NWD1: variants seen among roughly 807,000 people sequenced by gnomAD.
The protein encoded by NWD1 is NACHT and WD repeat domain containing 1.
NWD1 carries 129 observed loss-of-function variants against 135.1 expected under a neutral mutation model. That is an observed-to-expected ratio of 0.96 (90% CI 0.83 to 1.11). The LOEUF (loss-of-function observed/expected upper bound fraction) is 1.11, where lower values mean the gene tolerates loss of function less well. NWD1 is among the 50% of genes least tolerant of loss of function. NWD1 has a pLI of 0.00. For synonymous variants in NWD1, 773 were observed against 786.0 expected, an observed-to-expected ratio of 0.98 and a Z score of 0.28; for missense variants, 1,740 against 1,851.3, an observed-to-expected ratio of 0.94 and a Z score of 1.10.
chr19:16,757,549 C>T (rs1254174315), intron 6 of NWD1, among the ~76,000 whole-genome samples: 2 of 152,190 alleles, frequency 1.3e-5, no homozygotes, highest in Non-Finnish European at 2.9e-5. Context: ...ACCAAGGTCT[C>T]CCAGCTAGGC....
chr19:16,741,371 T>G (rs868241401), intron 4 of NWD1, among the ~76,000 whole-genome samples: 7 of 135,632 alleles, frequency 5.2e-5, no homozygotes, highest in African/African-American at 8.3e-5. Context: ...TTTTTGTGTT[T>G]TTTTTTTTTT....
intron 7 of NWD1, 56 bp downstream of exon 7, chr19:16,759,484 G>A (rs2122871486): frequency 4.5e-6 from 6 of 1,334,296 alleles, no homozygotes; most frequent in Non-Finnish European, 6.2e-6. Flanking sequence ...CAAGAATGAG[G>A]ACTCACTGGC....
chr19:16,736,836 G>T (rs1208133975), intron 4 of NWD1, 86 bp downstream of exon 4: 3 of 817,892 alleles, frequency 3.7e-6, no homozygotes, highest in African/African-American at 3.4e-5. Flanking sequence ...GCAGAGGGAA[G>T]TAGGTACCGT....
At position 16,817,348 on chromosome 19, in the gene NWD1, C is replaced by T. The variant is rs1469044712; in HGVS notation, c.*2309C>T. ...AGCCTCGGTGGCTCACGCCTGTAAT[C>T]CCAGCACTTTGGGAGGCTGAGGCGG... On this transcript the variant is annotated 3_prime_UTR_variant, in exon 19 of 19. Coordinates refer to ENST00000524140, the MANE Select transcript of NWD1 (RefSeq NM_001007525.5). 1 of 151,664 alleles carries T rather than the reference C, an allele frequency of 6.6e-6. No individual in the cohort carries two copies. The allele number at this position is 151,664 out of a possible 1,614,324, so 9.4% of individuals were successfully genotyped here.
At chr19:16,811,546 T>C (rs926372680) in intron 18 of NWD1, among the ~76,000 whole-genome samples, 1 of 145,904 alleles carries the variant, frequency 6.9e-6, no homozygotes, top group Non-Finnish European at 1.5e-5. Context: ...ATCGTGATAT[T>C]GCACTTCAGC....
intron 8 of NWD1, 129 bp downstream of exon 8, chr19:16,762,267 A>C: frequency 1.3e-6 from 1 of 742,012 alleles, no homozygotes; most frequent in Non-Finnish European, 2.2e-6. Context: ...CACAGAGGGC[A>C]AGATGTCCCT....
Position 16,817,441 on chromosome 19 carries a change from A to G in NWD1, c.*2402A>G, listed in dbSNP as rs1203572923. 6.6e-6 allele frequency: 1 copy of G among 151,860 alleles called. No homozygotes were observed. The highest frequency in any genetic ancestry group is 1.5e-5 in the Non-Finnish European group (1 of 67,990). 9.4% of individuals were successfully genotyped at this position (151,860 alleles called of 1,614,324 possible). ...CATGGTGAAACTCTGTCTCTACTCA[A>G]AAATACAAAAATTAGCCTGGTGTGG... On this transcript the variant is annotated 3_prime_UTR_variant, in exon 19 of 19. Transcript: ENST00000524140.
At chr19:16,779,197 T>C in intron 11 of NWD1, 146 bp from the exon 12 acceptor site, 1 of 846,162 alleles carries the variant, frequency 1.2e-6, no homozygotes. Flanking sequence ...AATCTAATCC[T>C]TGCTGTGCAG....
At chr19:16,772,641 A>G (rs1969456212) in intron 10 of NWD1, among the ~76,000 whole-genome samples, 1 of 152,076 alleles carries the variant, frequency 6.6e-6, no homozygotes, top group Non-Finnish European at 1.5e-5. Flanking sequence ...CTAAAATTCC[A>G]TCTCAAAAAT....
chr19:16,719,917 G>A lies in NWD1; in HGVS notation c.-481G>A, dbSNP rs2122642946. On this transcript the variant is annotated 5_prime_UTR_variant, in exon 1 of 19. Transcript: ENST00000524140. ...GACGAAAGTTACTAGGATAGCCAGGGGCTTGTCTTCCGGGTGGCGCCGAGG... is the reference window on the plus strand; with the variant it reads ...GACGAAAGTTACTAGGATAGCCAGGAGCTTGTCTTCCGGGTGGCGCCGAGG... 2.0e-5 allele frequency: 3 copies of A among 152,282 alleles called. 1 individual carries two copies. The South Asian group carries it at 6.2e-4, about 32-fold the overall frequency. The allele number at this position is 152,282 out of a possible 1,614,324, so 9.4% of individuals were successfully genotyped here. A position where few individuals can be genotyped will look rare whatever the true frequency, so the allele number is the denominator to read the frequency against.
At chr19:16,741,496 G>T (rs970060204) in intron 4 of NWD1, among the ~76,000 whole-genome samples, 8 of 150,982 alleles carry the variant, frequency 5.3e-5, no homozygotes, top group African/African-American at 1.9e-4. Flanking sequence ...CTCCCAAGTA[G>T]CTGGGATTAC....
intron 4 of NWD1, among the ~76,000 whole-genome samples, chr19:16,737,700 G>A (rs148701796): frequency 3.3e-5 from 5 of 151,954 alleles, no homozygotes; most frequent in Non-Finnish European, 5.9e-5. Context: ...GGGGCCGGGC[G>A]TGGTGGCTCA....
intron 12 of NWD1, among the ~76,000 whole-genome samples, chr19:16,787,892 AATAATAATAATAATC>A (rs1402653519): frequency 8.9e-4 from 70 of 78,990 alleles, no homozygotes; most frequent in African/African-American, 4.0e-3. Flanking sequence ...TAATAATAAT[AATAATAATAATAATC>A]ATCATCATCA....
At chr19:16,751,039 A>G (rs761394264) in intron 6 of NWD1, among the ~76,000 whole-genome samples, 20 of 151,536 alleles carry the variant, frequency 1.3e-4, no homozygotes, top group Non-Finnish European at 2.5e-4. Flanking sequence ...CTGACAAAAC[A>G]TGGAGAAACT....
At chr19:16,765,551 C>A (rs1969192063) in intron 10 of NWD1, among the ~76,000 whole-genome samples, 1 of 152,112 alleles carries the variant, frequency 6.6e-6, no homozygotes, top group Non-Finnish European at 1.5e-5. Context: ...CCAGGCTAGT[C>A]TCAAACTCCT....
intron 12 of NWD1, among the ~76,000 whole-genome samples, chr19:16,784,992 C>G (rs1253034105): frequency 6.6e-6 from 1 of 150,646 alleles, no homozygotes; most frequent in African/African-American, 2.4e-5. Flanking sequence ...ACATGGTGTG[C>G]GACTCCCATG....
In NWD1 at chr19:16,779,392, C is replaced by T. The variant is rs1969776300; in HGVS notation, c.2658C>T (p.Gly886=). Residue 886 remains glycine (G), a synonymous_variant, in exon 12 of 19, where the codon GGC becomes GGT. Coordinates refer to ENST00000524140, the MANE Select transcript of NWD1 (RefSeq NM_001007525.5). ...TGGAGGAGAAGCTGCTGGTGATTGG[C>T]ACCCAGGATGGCATCATGGCTGTGT... ...WGVEEKLLVI[G]TQDGIMAVWD... 2 of 1,613,812 alleles carry T rather than the reference C, an allele frequency of 1.2e-6. No homozygotes were observed. The highest frequency in any genetic ancestry group is 1.7e-6 in the Non-Finnish European group (2 of 1,179,880).
chr19:16,741,734 G>C (rs1377860490), intron 4 of NWD1, among the ~76,000 whole-genome samples: 1 of 152,008 alleles, frequency 6.6e-6, no homozygotes. Flanking sequence ...TACGACCCAT[G>C]TTTTACCCTT....
Position 16,749,703 on chromosome 19 carries a change from T to C in NWD1, c.1061T>C (p.Leu354Pro). 1 of 1,602,676 alleles carries C rather than the reference T, an allele frequency of 6.2e-7. No homozygotes were observed. The change falls in exon 6 of 19, where the codon CTG becomes CCG. Residue 354 changes from leucine (L) to proline (P), a missense_variant. Leu to Pro is a moderately conservative substitution (Grantham distance 98). Coordinates refer to ENST00000524140, the MANE Select transcript of NWD1 (RefSeq NM_001007525.5). ...GIGKTALMCK[L>P]AEQMPRLLGH... ...GGAAAGACAGCCCTGATGTGCAAGC[T>C]GGCTGAGCAGATGCCAAGGCTGCTG...
Sources: allele counts gnomAD v4.1 joint callset (sites outside exome capture counted in the v4.1 genomes callset), GRCh38; gene constraint gnomAD v4.1.1; transcripts MANE v1.5; gene names NCBI Gene and HGNC (gene_info 2026-07-23, HGNC 2026-07-21).